The following NINJ1 variants were observed in gnomAD, a reference collection of about 807,000 sequenced individuals.
NINJ1 encodes the protein ninjurin-1.
NINJ1 carries 6 observed loss-of-function variants against 12.7 expected under a neutral mutation model. The observed-to-expected ratio is 0.47, with a 90% CI of 0.26 to 0.93. The LOEUF (loss-of-function observed/expected upper bound fraction) is 0.93. NINJ1 is among the 40% of genes least tolerant of loss of function. The pLI, the probability that NINJ1 is intolerant of heterozygous loss-of-function variation, is 0.15. For synonymous variants in NINJ1, 100 were observed against 96.0 expected (o/e 1.04, Z -0.25); for missense variants, 170 against 213.0 (o/e 0.80, Z 1.26).
chr9:93,130,172 A>G (rs533749444), intron 1 of NINJ1, among the ~76,000 whole-genome samples: 1 of 152,274 alleles, frequency 6.6e-6, no homozygotes, highest in Non-Finnish European at 1.5e-5. Context: ...TTTCCTCTGA[A>G]AGCTAGGAGG....
chr9:93,131,950 C>G (rs1827900777), intron 1 of NINJ1, among the ~76,000 whole-genome samples: 2 of 152,210 alleles, frequency 1.3e-5, no homozygotes, highest in African/African-American at 4.8e-5. Flanking sequence ...GGGAGCTGGG[C>G]AAAGCGCTGC....
At chr9:93,124,854 A>G (rs764708088) in intron 3 of NINJ1, 45 bp downstream of exon 3, 133 of 1,545,276 alleles carry the variant, frequency 8.6e-5, no homozygotes, top group South Asian at 6.8e-4. Context: ...TCCAACAGCG[A>G]GCAACCCCAG....
chr9:93,126,415 A>G lies in NINJ1; in HGVS notation c.299T>C (p.Phe100Ser), dbSNP rs772176567. ...LQIGVGVLLI[F>S]LVKYDLNNPA... Reference sequence around the variant, plus strand: ...GCCCCCACCTGGGGACCTACCAAGGAAGATGAGCAGCACCCCCACGCCGAT... The same window carrying G: ...GCCCCCACCTGGGGACCTACCAAGGGAGATGAGCAGCACCCCCACGCCGAT... The change falls in exon 2 of 4, where the codon TTC becomes TCC. Residue 100 changes from phenylalanine (F) to serine (S), a missense_variant. Coordinates refer to ENST00000375446, the MANE Select transcript of NINJ1 (RefSeq NM_004148.4). 2 of 1,612,632 alleles carry G rather than the reference A, an allele frequency of 1.2e-6. No individual in the cohort carries two copies. Among genetic ancestry groups the G allele is most frequent in the East Asian group, 4.5e-5 (2 of 44,864 alleles).
chr9:93,130,471 G>A (rs1827877209), intron 1 of NINJ1, among the ~76,000 whole-genome samples: 1 of 152,208 alleles, frequency 6.6e-6, no homozygotes, highest in Non-Finnish European at 1.5e-5. Context: ...GGGGCTGTGG[G>A]CCCACAAATG....
At chr9:93,134,097 G>A (rs528660668) in intron 1 of NINJ1, 46 bp downstream of exon 1, 387 of 1,437,714 alleles carry the variant, frequency 2.7e-4, no homozygotes, top group Middle Eastern at 9.0e-4. Flanking sequence ...CGCCCCGAAA[G>A]GACAGGGCCT....
At chr9:93,131,398 G>A (rs1011974170) in intron 1 of NINJ1, 1 of 152,258 alleles carries the variant, frequency 6.6e-6, no homozygotes, top group Non-Finnish European at 1.5e-5. Context: ...CCAGGAAAGC[G>A]GAAATGAGGA....
Position 93,134,245 on chromosome 9 carries a change from C to G in NINJ1, c.-28G>C, listed in dbSNP as rs1587668025. 9 of 1,398,728 alleles carry G rather than the reference C, an allele frequency of 6.4e-6. No individual in the cohort carries two copies. In the African/African-American group the frequency reaches 7.4e-5, roughly 12 times the overall value. The allele number at this position is 1,398,728 out of a possible 1,614,324, so 86.6% of individuals were successfully genotyped here. A position where few individuals can be genotyped will look rare whatever the true frequency, so the allele number is the denominator to read the frequency against. ...TGCGGCCGCCCAGGCCGCCAGGATC[C>G]GGGCCTGAGCGCGCCCGAGCCTCAG... On this transcript the variant is annotated 5_prime_UTR_variant, in exon 1 of 4. Coordinates refer to ENST00000375446, the MANE Select transcript of NINJ1 (RefSeq NM_004148.4).
At chr9:93,131,700 G>A (rs1195529576) in intron 1 of NINJ1, among the ~76,000 whole-genome samples, 1 of 152,218 alleles carries the variant, frequency 6.6e-6, no homozygotes, top group East Asian at 1.9e-4. Flanking sequence ...CCACAAGTGA[G>A]CTGACTCAAT....
chr9:93,124,957 G>T lies in NINJ1; in HGVS notation c.410C>A (p.Thr137Lys), dbSNP rs138077782. The T allele has an allele frequency of 1.7e-5, 27 of 1,614,064 alleles. 1 individual carries two copies. The South Asian group carries it at 3.0e-4, about 18-fold the overall frequency. Residue 137 changes from threonine to lysine, a missense_variant, in exon 3 of 4, where the codon ACG (threonine) becomes AAG (lysine). Coordinates refer to ENST00000375446, the MANE Select transcript of NINJ1 (RefSeq NM_004148.4). ...CAAGGGCTTCTGGACCCCGAAGGCC[G>T]TGATGAAGATGTTGACTACCACGAT... ...FIIVVVNIFI[T>K]AFGVQKPLMD...
At chr9:93,130,404 C>T (rs1181034466) in intron 1 of NINJ1, among the ~76,000 whole-genome samples, 2 of 152,184 alleles carry the variant, frequency 1.3e-5, no homozygotes, top group Admixed American at 1.3e-4. Flanking sequence ...CTGGCTCTGG[C>T]CATAGCATAA....
Position 93,126,536 on chromosome 9 carries a change from T to C in NINJ1, c.178A>G (p.Asn60Asp), listed in dbSNP as rs1334124847. Residue 60 changes from asparagine to aspartate, a missense_variant, in exon 2 of 4, where the codon AAC becomes GAC. Asn to Asp is a conservative substitution (Grantham distance 23). Coordinates refer to ENST00000375446, the MANE Select transcript of NINJ1 (RefSeq NM_004148.4). Reference sequence around the variant, plus strand: ...ACGACGGCCTTCAGCTGGGACGCGTTGGCCATCAGCAGCGCGATGTCCAGC... The same window carrying C: ...ACGACGGCCTTCAGCTGGGACGCGTCGGCCATCAGCAGCGCGATGTCCAGC... ...SMLDIALLMA[N>D]ASQLKAVVEQ... 1.9e-6 allele frequency: 3 copies of C among 1,614,038 alleles called. No individual in the cohort carries two copies. The highest frequency in any genetic ancestry group is 2.5e-6 in the Non-Finnish European group (3 of 1,180,034).
chr9:93,125,037 G>C lies in NINJ1; in HGVS notation c.330C>G (p.Ala110=). The C allele has an allele frequency of 6.2e-7, 1 of 1,613,824 alleles. No individual in the cohort carries two copies. The highest frequency in any genetic ancestry group is 2.2e-5 in the East Asian group (1 of 44,862). The change falls in exon 3 of 4, where the codon GCC becomes GCG. Residue 110 remains alanine (A), a synonymous_variant. Transcript: ENST00000375446. ...TGAGGAAGTCCAGCTTGGCGTGCTT[G>C]GCCGGGTTGTTAAGGTCGTACTTGA... ...FLVKYDLNNP[A]KHAKLDFLNN...
chr9:93,123,948 A>G (rs1007930752), intron 3 of NINJ1, among the ~76,000 whole-genome samples: 2 of 152,246 alleles, frequency 1.3e-5, no homozygotes, highest in African/African-American at 4.8e-5. Context: ...TGGTGTGAGA[A>G]GTCTTCCTAC....
chr9:93,126,107 G>C (rs1413535809), intron 2 of NINJ1: 1 of 393,552 alleles, frequency 2.5e-6, no homozygotes, highest in Non-Finnish European at 4.6e-6. Flanking sequence ...TGAGGTGGGA[G>C]GATCGCTTGA....
At chr9:93,123,671 G>A (rs1827768281) in intron 3 of NINJ1, among the ~76,000 whole-genome samples, 1 of 152,242 alleles carries the variant, frequency 6.6e-6, no homozygotes, top group Non-Finnish European at 1.5e-5. Context: ...CACCACTGGT[G>A]GAGAGATGGC....
intron 1 of NINJ1, among the ~76,000 whole-genome samples, chr9:93,132,779 A>T (rs146376167): frequency 1.2e-3 from 187 of 152,376 alleles, no homozygotes; most frequent in African/African-American, 3.9e-3. Context: ...CACCCATCTC[A>T]GGAGGCACAG....
chr9:93,126,552 G>C lies in NINJ1; in HGVS notation c.162C>G (p.Ile54Met). Residue 54 changes from isoleucine (I) to methionine (M), a missense_variant, in exon 2 of 4, where the codon ATC becomes ATG. Transcript: ENST00000375446. ...GGGACGCGTTGGCCATCAGCAGCGC[G>C]ATGTCCAGCATGCTCTCGGCTGCGC... ...KKSAAESMLD[I>M]ALLMANASQL... The C allele has an allele frequency of 6.2e-7, 1 of 1,614,118 alleles. No homozygotes were observed. The highest frequency in any genetic ancestry group is 8.5e-7 in the Non-Finnish European group (1 of 1,180,022).
chr9:93,128,366 G>C (rs557937426), intron 1 of NINJ1, among the ~76,000 whole-genome samples: 1 of 152,306 alleles, frequency 6.6e-6, no homozygotes, highest in South Asian at 2.1e-4. Flanking sequence ...CCATTCTACA[G>C]ACCAGCAGAT....
At chr9:93,123,392 C>A (rs558215123) in intron 3 of NINJ1, among the ~76,000 whole-genome samples, 1 of 152,284 alleles carries the variant, frequency 6.6e-6, no homozygotes, top group East Asian at 1.9e-4. Flanking sequence ...TCAAGCGATT[C>A]TCCTGCCTCA....
Sources: allele counts gnomAD v4.1 joint callset (sites outside exome capture counted in the v4.1 genomes callset), GRCh38; gene constraint gnomAD v4.1.1; transcripts MANE v1.5; gene names NCBI Gene and HGNC (gene_info 2026-07-23, HGNC 2026-07-21).